The following PRKN variants were observed in gnomAD, a reference collection of about 807,000 sequenced individuals.
The protein encoded by PRKN is E3 ubiquitin-protein ligase parkin.
A neutral mutation model predicts 59.5 loss-of-function variants in PRKN; 56 were observed. The ratio of observed to expected loss-of-function variants is 0.94; its 90% CI spans 0.76 to 1.18. The LOEUF (loss-of-function observed/expected upper bound fraction) is 1.18, where lower values mean the gene tolerates loss of function less well. Among genes scored for constraint, PRKN ranks in the 50% most tolerant of loss-of-function variants. The pLI is 0.00. For missense variants in PRKN, 657 were observed against 596.4 expected (o/e 1.10, Z -1.06); for synonymous variants, 250 against 222.1 (o/e 1.13, Z -1.12).
chr6:161,802,511 A>C (rs942480673), intron 6 of PRKN, among the ~76,000 whole-genome samples: 16 of 147,150 alleles, frequency 1.1e-4, no homozygotes, highest in African/African-American at 3.8e-4. Context: ...CACATGCCCC[A>C]CACACACCTG....
At chr6:162,233,945 CTTATT>C (rs1352210060) in intron 3 of PRKN, among the ~76,000 whole-genome samples, 4 of 152,180 alleles carry the variant, frequency 2.6e-5, no homozygotes, top group African/African-American at 7.2e-5. Flanking sequence ...GCCCAATAAA[CTTATT>C]TTATTAACAG....
intron 5 of PRKN, among the ~76,000 whole-genome samples, chr6:161,991,410 G>A (rs1781641298): frequency 6.6e-6 from 1 of 151,992 alleles, no homozygotes; most frequent in African/African-American, 2.4e-5. Flanking sequence ...GGGAAAGAAG[G>A]AACAAAGCAT....
At chr6:161,817,812 C>T (rs1241155405) in intron 6 of PRKN, among the ~76,000 whole-genome samples, 3 of 152,172 alleles carry the variant, frequency 2.0e-5, no homozygotes, top group Non-Finnish European at 4.4e-5. Flanking sequence ...GAAATCTCAT[C>T]TTAAATTTCC....
At chr6:161,974,230 A>G (rs1228085335) in intron 5 of PRKN, among the ~76,000 whole-genome samples, 1 of 152,168 alleles carries the variant, frequency 6.6e-6, no homozygotes, top group Non-Finnish European at 1.5e-5. Context: ...CAATGAGCTG[A>G]GATCACCCCA....
chr6:161,791,225 TTC>T (rs1208283838), intron 6 of PRKN, among the ~76,000 whole-genome samples: 1 of 152,194 alleles, frequency 6.6e-6, no homozygotes, highest in Non-Finnish European at 1.5e-5. Flanking sequence ...AACCAATGAT[TTC>T]TCTGTTTTGA....
At chr6:162,018,041 T>C (rs1782994016) in intron 5 of PRKN, among the ~76,000 whole-genome samples, 1 of 152,094 alleles carries the variant, frequency 6.6e-6, no homozygotes, top group African/African-American at 2.4e-5. Flanking sequence ...TTTTTATTTT[T>C]TTTGAGACGG....
intron 9 of PRKN, among the ~76,000 whole-genome samples, chr6:161,455,115 T>C (rs1221328450): frequency 1.3e-5 from 2 of 151,240 alleles, no homozygotes; most frequent in East Asian, 3.9e-4. Flanking sequence ...CTCGGCTCAC[T>C]GCAACCTCTG....
At chr6:162,191,466 G>A (rs983744991) in intron 4 of PRKN, among the ~76,000 whole-genome samples, 1 of 151,820 alleles carries the variant, frequency 6.6e-6, no homozygotes, top group African/African-American at 2.4e-5. Flanking sequence ...TTTTTGAGAC[G>A]GAGCCTCACT....
rs112226188 is a variant in PRKN at position 162,181,360 on chromosome 6, C to T, written c.534+19771G>A. Reference sequence around the variant, plus strand: ...TGAAACCAAAGAATACAAGTGGATGCTTGGTGTTACCAACATCTGCACATG... The same window carrying T: ...TGAAACCAAAGAATACAAGTGGATGTTTGGTGTTACCAACATCTGCACATG... On this transcript the variant is annotated intron_variant, in intron 4 of 11. Coordinates refer to ENST00000366898, the MANE Select transcript of PRKN (RefSeq NM_004562.3). Among the ~76,000 whole-genome samples, 1,175 of 152,248 alleles carry T rather than the reference C, an allele frequency of 7.7e-3. 21 individuals are homozygous for T. Among genetic ancestry groups the T allele is most frequent in the African/African-American group, 0.027 (1,133 of 41,546 alleles).
intron 1 of PRKN, among the ~76,000 whole-genome samples, chr6:162,620,283 G>A (rs1375775674): frequency 6.6e-6 from 1 of 152,074 alleles, no homozygotes; most frequent in East Asian, 1.9e-4. Flanking sequence ...GTGAAAATGA[G>A]GAACTGCTGC....
intron 7 of PRKN, among the ~76,000 whole-genome samples, chr6:161,719,630 G>T (rs142162627): frequency 6.6e-6 from 1 of 152,200 alleles, no homozygotes; most frequent in East Asian, 1.9e-4. Flanking sequence ...CTTTCATAGG[G>T]TGTCCCTCTT....
At chr6:162,387,797 A>G (rs1474964145) in intron 2 of PRKN, among the ~76,000 whole-genome samples, 1 of 152,216 alleles carries the variant, frequency 6.6e-6, no homozygotes, top group Non-Finnish European at 1.5e-5. Context: ...TATTGCCAGG[A>G]AAAGCACAGA....
At chr6:161,834,563 A>C (rs1400535196) in intron 6 of PRKN, among the ~76,000 whole-genome samples, 2 of 152,240 alleles carry the variant, frequency 1.3e-5, no homozygotes, top group African/African-American at 4.8e-5. Context: ...CTTTATAATT[A>C]TTCTTCTACC....
At chr6:161,465,607 T>C (rs1790426539) in intron 9 of PRKN, among the ~76,000 whole-genome samples, 2 of 152,186 alleles carry the variant, frequency 1.3e-5, no homozygotes, top group African/African-American at 2.4e-5. Flanking sequence ...GTGCTCTCCA[T>C]ACAATGAGGT....
chr6:161,483,611 T>C lies in PRKN; in HGVS notation c.1083+65243A>G, dbSNP rs1281906117. On this transcript the variant is annotated intron_variant, in intron 9 of 11. Coordinates refer to ENST00000366898, the MANE Select transcript of PRKN (RefSeq NM_004562.3). This position sits in a 1 kb window ranked among gnomAD's most constrained non-coding sequence, Gnocchi z 5.0. ...ACCTCACATGTCACATCCCTAAAGG[T>C]GACATCTACATTAATGCCCCTCATC... 6.6e-6 allele frequency among the ~76,000 whole-genome samples: 1 copy of C among 152,194 alleles called. No individual in the cohort carries two copies. Among genetic ancestry groups the C allele is most frequent in the African/African-American group, 2.4e-5 (1 of 41,464 alleles).
At chr6:162,513,633 C>T (rs985437023) in intron 1 of PRKN, among the ~76,000 whole-genome samples, 4 of 152,038 alleles carry the variant, frequency 2.6e-5, no homozygotes, top group Admixed American at 6.6e-5. Context: ...AAGTTCAAGA[C>T]GAGTGACTGG....
intron 4 of PRKN, among the ~76,000 whole-genome samples, chr6:162,144,981 T>G (rs145797879): frequency 6.6e-6 from 1 of 152,294 alleles, no homozygotes; most frequent in African/African-American, 2.4e-5. Flanking sequence ...GGATTCAGGC[T>G]TTCACACAGA....
In PRKN at chr6:162,271,016, G is replaced by GTTTTTTT. The variant is rs61368267; in HGVS notation, c.172-8258_172-8252dup. Among the ~76,000 whole-genome samples the GTTTTTTT allele has an allele frequency of 3.4e-4, 37 of 108,234 alleles. 1 individual carries two copies. In the South Asian group the frequency reaches 8.8e-3, roughly 26 times the overall value. The allele number at this position is 108,234 out of a possible 152,430, so 71.0% of individuals were successfully genotyped here. A position where few individuals can be genotyped will look rare whatever the true frequency, so the allele number is the denominator to read the frequency against. ...GCCACTACACCTAGCTAATTTTCTA[G>GTTTTTTT]TTTTTTTTTTTTTTTTTTTTTGTAG... On this transcript the variant is annotated intron_variant, in intron 2 of 11. Coordinates refer to ENST00000366898, the MANE Select transcript of PRKN (RefSeq NM_004562.3).
In PRKN at chr6:161,552,545, T is replaced by C. The variant is rs1780066795; in HGVS notation, c.934-3542A>G. Among the ~76,000 whole-genome samples the C allele has an allele frequency of 6.6e-6, 1 of 152,106 alleles. No individual in the cohort carries two copies. The highest frequency in any genetic ancestry group is 1.5e-5 in the Non-Finnish European group (1 of 68,032). ...CACCGAACTGCTCAACCTACTTTTT[T>C]GTCTTGACCTGTCCAAATCCTTCCA... On this transcript the variant is annotated intron_variant, in intron 8 of 11. Transcript: ENST00000366898. The surrounding 1 kb of genome is among the most constrained non-coding windows in gnomAD (Gnocchi z 4.9).
Sources: gnomAD v4.1 joint callset for allele counts (sites outside exome capture counted in the v4.1 genomes callset) on GRCh38, gnomAD v4.1.1 for gene constraint, Gnocchi (gnomAD v3.1) non-coding constraint, MANE v1.5 for transcripts, NCBI Gene and HGNC (gene_info 2026-07-23, HGNC 2026-07-21) for gene names.